Variants in DAB1 observed in about 807,000 individuals in gnomAD.
DAB1 encodes DAB adaptor protein 1, also known as disabled homolog 1.
In DAB1, 15 loss-of-function variants were observed where a neutral mutation model predicts 64.6. The ratio of observed to expected loss-of-function variants is 0.23; its 90% CI spans 0.16 to 0.36. The LOEUF (loss-of-function observed/expected upper bound fraction) is 0.36. Among genes scored for constraint, DAB1 ranks in the 10% least tolerant of loss-of-function variants. The probability of loss-of-function intolerance (pLI) is 1.00; values close to 1 mark genes in which losing one functional copy is unlikely to be tolerated. For synonymous variants in DAB1, 235 were observed against 251.9 expected, an observed-to-expected ratio of 0.93 and a Z score of 0.64; for missense variants, 596 against 706.7, an observed-to-expected ratio of 0.84 and a Z score of 1.78.
intron 2 of DAB1, among the ~76,000 whole-genome samples, chr1:57,238,126 A>G (rs1668228372): frequency 6.6e-6 from 1 of 152,206 alleles, no homozygotes; most frequent in Non-Finnish European, 1.5e-5. Context: ...CCACGAAACC[A>G]AGGCTGTGGC....
intron 6 of DAB1, among the ~76,000 whole-genome samples, chr1:57,759,365 C>T (rs1465881751): frequency 6.6e-6 from 1 of 152,118 alleles, no homozygotes; most frequent in Non-Finnish European, 1.5e-5. Context: ...ATTCATAGAA[C>T]TGTTGTGACC....
intron 7 of DAB1, among the ~76,000 whole-genome samples, chr1:57,621,618 C>T (rs1645860360): frequency 6.6e-6 from 1 of 152,228 alleles, no homozygotes; most frequent in East Asian, 1.9e-4. Context: ...TGATCCCTCA[C>T]ACCTGCGCCT....
intron 6 of DAB1, among the ~76,000 whole-genome samples, chr1:57,764,808 CA>C (rs1367668060): frequency 1.2e-4 from 18 of 152,076 alleles, no homozygotes; most frequent in African/African-American, 3.9e-4. Context: ...CAAATGGTTG[CA>C]AAATATCCCT....
chr1:58,024,236 T>A (rs897096747), intron 5 of DAB1, among the ~76,000 whole-genome samples: 1 of 152,194 alleles, frequency 6.6e-6, no homozygotes, highest in Admixed American at 6.6e-5. Context: ...GGCCTGTGTA[T>A]CTTTGCCAGT....
intron 3 of DAB1, among the ~76,000 whole-genome samples, chr1:58,347,012 T>C (rs1292143692): frequency 3.3e-5 from 5 of 152,246 alleles, no homozygotes; most frequent in Admixed American, 6.5e-5. Context: ...ATATGACTCA[T>C]TGGGTTGCTG....
intron 3 of DAB1, among the ~76,000 whole-genome samples, chr1:58,344,479 C>A (rs1643972499): frequency 6.6e-6 from 1 of 152,026 alleles, no homozygotes; most frequent in Non-Finnish European, 1.5e-5. Flanking sequence ...CTCATATTGA[C>A]AACAGAGAAT....
Position 57,113,735 on chromosome 1 carries a change from T to C in DAB1, c.306+22808A>G, listed in dbSNP as rs1442301323. The stretch of plus-strand genomic sequence containing the variant: ...GCTAGATTTGGCCTATAAGCCATTG[T>C]AGTTTTGTCAACTCTGGCTCTAGAT... On this transcript the variant is annotated intron_variant, in intron 4 of 14. Transcript: ENST00000371236. Among the ~76,000 whole-genome samples, 5 of 152,204 alleles carry C rather than the reference T, an allele frequency of 3.3e-5. No homozygotes were observed. In the South Asian group the frequency reaches 6.2e-4, roughly 19 times the overall value.
At chr1:57,578,485 T>G (rs2101546800) in intron 7 of DAB1, among the ~76,000 whole-genome samples, 1 of 152,310 alleles carries the variant, frequency 6.6e-6, no homozygotes, top group East Asian at 1.9e-4. Flanking sequence ...GGCTGGACAC[T>G]TATCTTCATA....
intron 3 of DAB1, among the ~76,000 whole-genome samples, chr1:58,407,570 C>T (rs956874033): frequency 2.6e-5 from 4 of 152,120 alleles, no homozygotes; most frequent in African/African-American, 9.7e-5. Context: ...AAGGATGCTG[C>T]TAAGTATCCC....
At chr1:57,273,190 C>T (rs1415913953) in intron 2 of DAB1, among the ~76,000 whole-genome samples, 1 of 152,164 alleles carries the variant, frequency 6.6e-6, no homozygotes, top group African/African-American at 2.4e-5. Context: ...TGTCTTATGG[C>T]AACTTATGAT....
intron 6 of DAB1, among the ~76,000 whole-genome samples, chr1:57,673,137 C>A (rs777164926): frequency 7.2e-5 from 11 of 152,022 alleles, no homozygotes; most frequent in Admixed American, 1.3e-4. Flanking sequence ...TGGTGAGGGT[C>A]CACTTCCTGG....
chr1:57,192,938 T>C (rs938582955), intron 2 of DAB1, among the ~76,000 whole-genome samples: 1 of 152,208 alleles, frequency 6.6e-6, no homozygotes, highest in African/African-American at 2.4e-5. Flanking sequence ...TCATTTTAAT[T>C]GACAGATCAA....
intron 7 of DAB1, among the ~76,000 whole-genome samples, chr1:57,513,520 G>A (rs1362190411): frequency 1.3e-5 from 2 of 152,152 alleles, no homozygotes; most frequent in African/African-American, 4.8e-5. Flanking sequence ...AAAGATAGGA[G>A]AGATAGAGCT....
rs1375732204 is a variant in DAB1 at position 57,929,771 on chromosome 1, C to T, written n.388-45609G>A. On this transcript the variant is annotated intron_variant and non_coding_transcript_variant, in intron 5 of 20. Transcript: ENST00000485760. ...GTACAAAGAGGGATCATGCCTGATGCACACCCTGACATTATAACAACCCAC... is the reference window on the plus strand; with the variant it reads ...GTACAAAGAGGGATCATGCCTGATGTACACCCTGACATTATAACAACCCAC... Among the ~76,000 whole-genome samples the T allele has an allele frequency of 2.0e-5, 3 of 152,152 alleles. No homozygotes were observed. The East Asian group carries it at 5.8e-4, about 29-fold the overall frequency.
At chr1:58,055,603 T>C (rs943639012) in intron 5 of DAB1, among the ~76,000 whole-genome samples, 2 of 152,264 alleles carry the variant, frequency 1.3e-5, no homozygotes, top group Non-Finnish European at 2.9e-5. Context: ...TTTACCACTA[T>C]ACATTTGACC....
intron 6 of DAB1, among the ~76,000 whole-genome samples, chr1:57,770,430 G>T (rs557617981): frequency 3.9e-5 from 6 of 151,924 alleles, no homozygotes; most frequent in African/African-American, 1.4e-4. Context: ...ACCATGCCCA[G>T]TTAATTTTTA....
intron 14 of DAB1, among the ~76,000 whole-genome samples, chr1:57,007,211 T>C (rs1182242209): frequency 1.3e-5 from 2 of 152,220 alleles, no homozygotes. Context: ...CAATATCTAT[T>C]GTTACTAAGG....
At chr1:57,168,523 G>T (rs1661420882) in intron 2 of DAB1, among the ~76,000 whole-genome samples, 1 of 152,138 alleles carries the variant, frequency 6.6e-6, no homozygotes, top group Non-Finnish European at 1.5e-5. Context: ...CATTTCCTCT[G>T]TCAAGAACAA....
chr1:58,101,401 G>A (rs892279775), intron 5 of DAB1, among the ~76,000 whole-genome samples: 7 of 152,148 alleles, frequency 4.6e-5, no homozygotes, highest in African/African-American at 1.2e-4. Flanking sequence ...ATCAGTAATC[G>A]TATGGGACAA....
Sources: allele counts gnomAD v4.1 joint callset (sites outside exome capture counted in the v4.1 genomes callset), GRCh38; gene constraint gnomAD v4.1.1; transcripts MANE v1.5; gene names NCBI Gene and HGNC (gene_info 2026-07-23, HGNC 2026-07-21).